WT1: variants seen among roughly 807,000 people sequenced by gnomAD.
The protein encoded by WT1 is Wilms tumor protein.
In WT1, 8 loss-of-function variants were observed where a neutral mutation model predicts 60.8. The ratio of observed to expected loss-of-function variants is 0.13; its 90% CI spans 0.08 to 0.24. The LOEUF is 0.24. Ranked by LOEUF, WT1 falls within the 10% of genes least tolerant of loss-of-function variation. The pLI, the probability that WT1 is intolerant of heterozygous loss-of-function variation, is 1.00. For missense variants in WT1, 568 were observed against 711.8 expected (o/e 0.80, Z 2.30); for synonymous variants, 312 against 297.1 (o/e 1.05, Z -0.52).
intron 8 of WT1, 38 bp from the exon 9 acceptor site, chr11:32,392,102 A>G (rs1339704952): frequency 3.1e-6 from 5 of 1,590,910 alleles, no homozygotes; most frequent in East Asian, 2.2e-5. Flanking sequence ...GGCCCTAACA[A>G]TGTGGGCACA....
intron 3 of WT1, among the ~76,000 whole-genome samples, chr11:32,418,684 A>G (rs1852758408): frequency 1.3e-5 from 2 of 152,220 alleles, no homozygotes; most frequent in African/African-American, 4.8e-5. Context: ...CACTGGGCAG[A>G]GGCAACACCA....
At chr11:32,418,848 A>G (rs1328051426) in intron 3 of WT1, among the ~76,000 whole-genome samples, 1 of 152,226 alleles carries the variant, frequency 6.6e-6, no homozygotes, top group Non-Finnish European at 1.5e-5. Flanking sequence ...CTCTCATATA[A>G]TAACTCTGAA....
chr11:32,412,543 C>T (rs1288645412), intron 5 of WT1, among the ~76,000 whole-genome samples: 2 of 151,858 alleles, frequency 1.3e-5, no homozygotes, highest in African/African-American at 4.8e-5. Context: ...AAAACAGAGG[C>T]CAACAGGGTA....
rs566955695 is a variant in WT1 at position 32,422,645 on chromosome 11, C to T, written c.888-4991G>A. On this transcript the variant is annotated intron_variant, in intron 3 of 9. Transcript: ENST00000452863. ...TGGAACCCAAGATTTCCCAGAAACTCTATGGCTGCTGAGGAAGTTTCTCTC... is the reference window on the plus strand; with the variant it reads ...TGGAACCCAAGATTTCCCAGAAACTTTATGGCTGCTGAGGAAGTTTCTCTC... Among the ~76,000 whole-genome samples the T allele has an allele frequency of 2.0e-5, 3 of 152,332 alleles. No individual in the cohort carries two copies. In the East Asian group the frequency reaches 5.8e-4, roughly 29 times the overall value.
rs764111950 is a variant in WT1 at position 32,435,327 on chromosome 11, T to C, written c.34A>G (p.Thr12Ala). 1 of 1,529,578 alleles carries C rather than the reference T, an allele frequency of 6.5e-7. No individual in the cohort carries two copies. Among genetic ancestry groups the C allele is most frequent in the Non-Finnish European group, 8.7e-7 (1 of 1,145,834 alleles). The allele number at this position is 1,529,578 out of a possible 1,614,324, so 94.8% of individuals were successfully genotyped here. A position where few individuals can be genotyped will look rare whatever the true frequency, so the allele number is the denominator to read the frequency against. The change falls in exon 1 of 10, where the codon ACG (threonine) becomes GCG (alanine). Residue 12 changes from threonine (T) to alanine (A), a missense_variant. Thr to Ala is a moderately conservative substitution (Grantham distance 58). Around this residue, in one of 3 missense-constraint regions of WT1, gnomAD observed 523 missense variants for 565.1 expected, o/e 0.93. Coordinates refer to ENST00000452863, the MANE Select transcript of WT1 (RefSeq NM_024426.6). Reference sequence around the variant, plus strand: ...TGAGACGCCGGCTCCGGGACACACGTGGAAGCCGGGTCCTGCAGCAAGAGG... The same window carrying C: ...TGAGACGCCGGCTCCGGGACACACGCGGAAGCCGGGTCCTGCAGCAAGAGG...
chr11:32,433,177 T>C (rs999287479), intron 1 of WT1, among the ~76,000 whole-genome samples: 2 of 152,200 alleles, frequency 1.3e-5, no homozygotes, highest in Non-Finnish European at 2.9e-5. Context: ...GGTGGCGCGA[T>C]CTGATCAAAG....
chr11:32,429,938 A>G (rs1853214547), intron 1 of WT1, among the ~76,000 whole-genome samples: 3 of 146,772 alleles, frequency 2.0e-5, no homozygotes, highest in African/African-American at 7.5e-5. Flanking sequence ...TTCGAAACAC[A>G]CACGGACGCT....
intron 1 of WT1, among the ~76,000 whole-genome samples, chr11:32,429,933 A>AAC (rs912615977): frequency 2.0e-5 from 3 of 150,504 alleles, no homozygotes; most frequent in African/African-American, 7.3e-5. Context: ...CCATTTTCGA[A>AAC]ACACACACGG....
At chr11:32,424,409 G>A (rs1336213687) in intron 3 of WT1, among the ~76,000 whole-genome samples, 1 of 152,054 alleles carries the variant, frequency 6.6e-6, no homozygotes, top group Middle Eastern at 3.2e-3. Flanking sequence ...GGGTTAAATG[G>A]GTAAACTGAG....
rs111351882 is a variant in WT1 at position 32,388,920 on chromosome 11, C to T, written c.*138G>A. On this transcript the variant is annotated 3_prime_UTR_variant, in exon 10 of 10. Coordinates refer to ENST00000452863, the MANE Select transcript of WT1 (RefSeq NM_024426.6). ...CACACCTGGTAGTTTCCAGAAGCAC[C>T]GGTATCTTGTCTTGGAAGTTGGATG... 493 of 1,485,844 alleles carry T rather than the reference C, an allele frequency of 3.3e-4. 3 individuals carry two copies. In the African/African-American group the frequency reaches 5.4e-3, roughly 16 times the overall value. The allele number at this position is 1,485,844 out of a possible 1,614,324, so 92.0% of individuals were successfully genotyped here.
At chr11:32,420,700 T>C (rs1852826836) in intron 3 of WT1, among the ~76,000 whole-genome samples, 1 of 151,966 alleles carries the variant, frequency 6.6e-6, no homozygotes, top group African/African-American at 2.4e-5. Context: ...ATAATAACAA[T>C]AATACAGACA....
chr11:32,422,954 G>T (rs74595045), intron 3 of WT1, among the ~76,000 whole-genome samples: 1 of 152,176 alleles, frequency 6.6e-6, no homozygotes, highest in African/African-American at 2.4e-5. Flanking sequence ...TTTTTCAAAC[G>T]CAGTGCACAG....
intron 3 of WT1, among the ~76,000 whole-genome samples, chr11:32,423,538 CTT>C (rs760710220): frequency 6.6e-5 from 10 of 152,210 alleles, no homozygotes; most frequent in Non-Finnish European, 1.2e-4. Context: ...GGAGACCATC[CTT>C]GAGTGAGACT....
chr11:32,388,003 AACACACACACACACAC>A lies in WT1; in HGVS notation c.*1039_*1054del, dbSNP rs58549495. The A allele has an allele frequency of 1.6e-4, 36 of 229,208 alleles. No homozygotes were observed. In the East Asian group the frequency reaches 1.8e-3, roughly 11 times the overall value. The allele number at this position is 229,208 out of a possible 1,614,324, so 14.2% of individuals were successfully genotyped here. Reference sequence around the variant, plus strand: ...TCCCTTAAAAAACAAAACACAACACAACACACACACACACACACACACACACACACACACGACCATC... The same window carrying A: ...TCCCTTAAAAAACAAAACACAACACAACACACACACACACACACGACCATC... On this transcript the variant is annotated 3_prime_UTR_variant, in exon 10 of 10. Coordinates refer to ENST00000452863, the MANE Select transcript of WT1 (RefSeq NM_024426.6).
At chr11:32,429,706 A>C (rs1179994740) in intron 1 of WT1, among the ~76,000 whole-genome samples, 1 of 152,078 alleles carries the variant, frequency 6.6e-6, no homozygotes, top group Non-Finnish European at 1.5e-5. Flanking sequence ...ACAATGGCTA[A>C]GGAGAGCTGC....
chr11:32,417,082 G>A (rs1363624420), intron 4 of WT1, among the ~76,000 whole-genome samples: 10 of 151,950 alleles, frequency 6.6e-5, no homozygotes, highest in Admixed American at 6.6e-4. Flanking sequence ...TTTCCTGGCT[G>A]TATTCTCCCT....
chr11:32,416,086 A>G (rs5030215), intron 5 of WT1, among the ~76,000 whole-genome samples: 2,422 of 152,324 alleles, frequency 0.016, 53 homozygotes, highest in African/African-American at 0.055. Context: ...CTGGCCTCAG[A>G]CTTAGGGTAA....
At chr11:32,391,835 C>T (rs187738582) in intron 9 of WT1, 137 bp downstream of exon 9, 105 of 815,302 alleles carry the variant, frequency 1.3e-4, no homozygotes, top group Admixed American at 1.1e-3. Context: ...AAGATAGCCA[C>T]GCACTATTCC....
Position 32,434,836 on chromosome 11 carries a change from G to A in WT1, c.525C>T (p.Gly175=). The change falls in exon 1 of 10, where the codon GGC becomes GGT. Residue 175 remains glycine (G), a synonymous_variant. Transcript: ENST00000452863. ...GCCCGTAGCGACAGGCTCCGGCTGT[G>A]CCAGTGAACTGGCCGGAAAAGTGGA... The A allele has an allele frequency of 5.0e-6, 8 of 1,612,524 alleles. No homozygotes were observed. The highest frequency in any genetic ancestry group is 6.8e-6 in the Non-Finnish European group (8 of 1,179,822).
Sources: gnomAD v4.1 joint callset for allele counts (sites outside exome capture counted in the v4.1 genomes callset) on GRCh38, gnomAD v4.1.1 for gene constraint, gnomAD v4.1.1 regional missense constraint, MANE v1.5 for transcripts, NCBI Gene and HGNC (gene_info 2026-07-23, HGNC 2026-07-21) for gene names.